Variants in EMSY observed in about 807,000 individuals in gnomAD.
EMSY encodes the protein EMSY transcriptional repressor, BRCA2 interacting.
In EMSY, 26 loss-of-function variants were observed where a neutral mutation model predicts 134.6. The ratio of observed to expected loss-of-function variants is 0.19; its 90% CI spans 0.14 to 0.27. The LOEUF is 0.27. EMSY is among the 10% of genes least tolerant of loss of function. The pLI is 1.00. For missense variants in EMSY, 1,305 were observed against 1,611.4 expected (o/e 0.81, Z 3.26); for synonymous variants, 579 against 577.8 (o/e 1.00, Z -0.03).
chr11:76,488,400 G>A (rs1590871659), intron 8 of EMSY, among the ~76,000 whole-genome samples: 1 of 152,210 alleles, frequency 6.6e-6, no homozygotes, highest in African/African-American at 2.4e-5. Flanking sequence ...CCAGGATTTG[G>A]AGGCTGCATT....
intron 20 of EMSY, among the ~76,000 whole-genome samples, chr11:76,546,790 C>T (rs1304595238): frequency 2.6e-5 from 4 of 152,170 alleles, no homozygotes; most frequent in African/African-American, 9.7e-5. Context: ...CAAACCTCAA[C>T]TGCAATGTCT....
exon 19 of EMSY, chr11:76,544,753 C>T (rs1591028432): frequency 3.1e-6 from 5 of 1,614,182 alleles, no homozygotes; most frequent in Middle Eastern, 3.3e-4. Context: ...CAAAAATCTA[C>T]GTGCAACCCC....
intron 11 of EMSY, among the ~76,000 whole-genome samples, chr11:76,522,640 C>T (rs1430835907): frequency 6.6e-6 from 1 of 152,040 alleles, no homozygotes; most frequent in Admixed American, 6.6e-5. Context: ...GGATTATGAG[C>T]GTGAGCCACC....
At chr11:76,516,284 C>A (rs1259219635) in exon 11 of EMSY, 1 of 1,609,652 alleles carries the variant, frequency 6.2e-7, no homozygotes, top group Non-Finnish European at 8.5e-7. Flanking sequence ...CCTTGGGGGG[C>A]AAGATAATTA....
intron 9 of EMSY, among the ~76,000 whole-genome samples, chr11:76,499,182 G>A (rs997788613): frequency 3.3e-5 from 5 of 151,094 alleles, no homozygotes; most frequent in African/African-American, 9.7e-5. Context: ...GGCTGGTCTC[G>A]AATGCTGATC....
At chr11:76,543,638 C>T (rs949471109) in intron 18 of EMSY, among the ~76,000 whole-genome samples, 5 of 152,226 alleles carry the variant, frequency 3.3e-5, no homozygotes, top group Admixed American at 2.6e-4. Flanking sequence ...GTTGTCCCCT[C>T]CTCAGTCTCC....
At chr11:76,546,166 T>G in exon 20 of EMSY, 1 of 1,614,132 alleles carries the variant, frequency 6.2e-7, no homozygotes, top group South Asian at 1.1e-5. Context: ...TTCGAGTCCA[T>G]CCACTGTTGG....
intron 9 of EMSY, chr11:76,496,975 T>A: frequency 5.1e-6 from 1 of 194,826 alleles, no homozygotes; most frequent in South Asian, 1.0e-4. Context: ...GTTCCTAATC[T>A]TAAGGAGAAA....
chr11:76,453,720 C>T (rs1947760290), intron 4 of EMSY: 1 of 178,290 alleles, frequency 5.6e-6, no homozygotes, highest in Admixed American at 6.2e-5. Context: ...ATTGAAAGCC[C>T]TTTAGAGGTT....
At chr11:76,501,801 A>G (rs1284736578) in intron 9 of EMSY, among the ~76,000 whole-genome samples, 1 of 152,178 alleles carries the variant, frequency 6.6e-6, no homozygotes, top group African/African-American at 2.4e-5. Context: ...ACTTTTCCAA[A>G]TTTATTGAAA....
At chr11:76,486,354 A>G (rs993524946) in intron 8 of EMSY, among the ~76,000 whole-genome samples, 6 of 152,212 alleles carry the variant, frequency 3.9e-5, no homozygotes, top group African/African-American at 1.4e-4. Context: ...TACTTATGTG[A>G]CAAACCTGCA....
chr11:76,458,272 T>G (rs756535732), exon 5 of EMSY: 57 of 1,614,008 alleles, frequency 3.5e-5, no homozygotes, highest in Non-Finnish European at 4.5e-5. Flanking sequence ...CAAACCGCCT[T>G]TACTGTAACA....
intron 9 of EMSY, among the ~76,000 whole-genome samples, chr11:76,512,756 C>CACTTTAG (rs1950323065): frequency 6.6e-6 from 1 of 150,450 alleles, no homozygotes; most frequent in Non-Finnish European, 1.5e-5. Context: ...ACCACCCTAG[C>CACTTTAG]ACTTTAGTTT....
intron 8 of EMSY, among the ~76,000 whole-genome samples, chr11:76,494,293 G>T (rs1043967766): frequency 2.0e-5 from 3 of 152,216 alleles, no homozygotes; most frequent in Non-Finnish European, 4.4e-5. Flanking sequence ...GACGTTTCTG[G>T]CTGGTGAAGT....
At chr11:76,491,483 G>A (rs1310468871) in intron 8 of EMSY, among the ~76,000 whole-genome samples, 1 of 151,890 alleles carries the variant, frequency 6.6e-6, no homozygotes, top group South Asian at 2.1e-4. Context: ...GTCCAGCCCC[G>A]CCTGAGTTCT....
intron 7 of EMSY, among the ~76,000 whole-genome samples, chr11:76,470,908 TTCTC>T (rs1948544553): frequency 6.6e-6 from 1 of 152,124 alleles, no homozygotes; most frequent in South Asian, 2.1e-4. Context: ...CTTCATACTA[TTCTC>T]TCTGTCTGGA....
intron 6 of EMSY, 156 bp downstream of exon 7, chr11:76,460,241 C>G (rs1948053775): frequency 1.2e-6 from 1 of 850,432 alleles, no homozygotes; most frequent in African/African-American, 1.7e-5. Flanking sequence ...TTACATATGA[C>G]TAGGTATATA....
At chr11:76,446,089 G>T (rs78897762) in intron 1 of EMSY, among the ~76,000 whole-genome samples, 6,035 of 151,964 alleles carry the variant, frequency 0.04, 144 homozygotes, top group Middle Eastern at 0.051. Context: ...TTGCTCAGTC[G>T]CGTCAACCAT....
exon 21 of EMSY, chr11:76,550,241 G>A (rs974244543): frequency 1.6e-5 from 17 of 1,074,290 alleles, no homozygotes; most frequent in African/African-American, 8.2e-5. Context: ...CACTTTGCCC[G>A]TACTTAGGCT....
Sources: gnomAD v4.1 joint callset for allele counts (sites outside exome capture counted in the v4.1 genomes callset) on GRCh38, gnomAD v4.1.1 for gene constraint, MANE v1.5 for transcripts, NCBI Gene and HGNC (gene_info 2026-07-23, HGNC 2026-07-21) for gene names.